ENOX1: variants seen among roughly 807,000 people sequenced by gnomAD.
ENOX1 encodes ecto-NOX disulfide-thiol exchanger 1.
A neutral mutation model predicts 82.5 loss-of-function variants in ENOX1; 42 were observed. The observed-to-expected ratio is 0.51, with a 90% CI of 0.40 to 0.66. The LOEUF (loss-of-function observed/expected upper bound fraction) is 0.66. Among genes scored for constraint, ENOX1 ranks in the 30% least tolerant of loss-of-function variants. ENOX1 has a pLI of 0.00. For synonymous variants in ENOX1, 271 were observed against 282.2 expected (o/e 0.96, Z 0.40); for missense variants, 608 against 811.6 (o/e 0.75, Z 3.05).
chr13:43,590,360 G>A (rs1467526692), intron 2 of ENOX1, among the ~76,000 whole-genome samples: 2 of 152,048 alleles, frequency 1.3e-5, no homozygotes, highest in Non-Finnish European at 2.9e-5. Context: ...ATGAATGATC[G>A]AAAATGAGAA....
At chr13:43,488,240 C>T (rs2153660121) in intron 2 of ENOX1, among the ~76,000 whole-genome samples, 1 of 152,272 alleles carries the variant, frequency 6.6e-6, no homozygotes, top group South Asian at 2.1e-4. Flanking sequence ...GCCATGAGGA[C>T]TCCTCCCTCA....
intron 9 of ENOX1, among the ~76,000 whole-genome samples, chr13:43,332,234 G>GGGATGGTT (rs2048447203): frequency 6.6e-6 from 1 of 152,124 alleles, no homozygotes; most frequent in Non-Finnish European, 1.5e-5. Context: ...CAGGGGGTTG[G>GGGATGGTT]GGATGGTTTG....
At chr13:43,557,397 C>T (rs943169001) in intron 2 of ENOX1, among the ~76,000 whole-genome samples, 1 of 152,104 alleles carries the variant, frequency 6.6e-6, no homozygotes, top group Non-Finnish European at 1.5e-5. Context: ...AGGAAAGGGG[C>T]ACTGGGAGGA....
chr13:43,651,103 C>T (rs2084147192), intron 2 of ENOX1, among the ~76,000 whole-genome samples: 1 of 152,190 alleles, frequency 6.6e-6, no homozygotes, highest in South Asian at 2.1e-4. Context: ...GCTCCACCCA[C>T]AGCACATGGG....
chr13:43,256,604 AG>A (rs1378480967), intron 14 of ENOX1, among the ~76,000 whole-genome samples: 1 of 152,230 alleles, frequency 6.6e-6, no homozygotes, highest in Admixed American at 6.5e-5. Context: ...TCAAAACCAC[AG>A]TGAGATGTCA....
chr13:43,768,917 C>T (rs1951436227), intron 1 of ENOX1, among the ~76,000 whole-genome samples: 1 of 152,214 alleles, frequency 6.6e-6, no homozygotes, highest in Admixed American at 6.5e-5. Context: ...TTAGGTGAAT[C>T]TCTCCAATGC....
chr13:43,442,413 T>A (rs1284052917), intron 3 of ENOX1, among the ~76,000 whole-genome samples: 1 of 152,124 alleles, frequency 6.6e-6, no homozygotes, highest in Admixed American at 6.5e-5. Context: ...AGCGAATGCA[T>A]TATTAAAAGA....
chr13:43,467,310 AT>A (rs2057771829), intron 3 of ENOX1, among the ~76,000 whole-genome samples: 1 of 152,164 alleles, frequency 6.6e-6, no homozygotes, highest in Non-Finnish European at 1.5e-5. Flanking sequence ...CTACATTACT[AT>A]ATACTATATT....
chr13:43,240,020 CTCTT>C (rs879926208), intron 14 of ENOX1, among the ~76,000 whole-genome samples: 91 of 152,260 alleles, frequency 6.0e-4, no homozygotes, highest in Admixed American at 5.2e-3. Flanking sequence ...TGTACCCTCT[CTCTT>C]TGTTTTTATT....
intron 2 of ENOX1, among the ~76,000 whole-genome samples, chr13:43,637,370 T>C (rs953180926): frequency 2.6e-5 from 4 of 152,208 alleles, no homozygotes; most frequent in Non-Finnish European, 5.9e-5. Flanking sequence ...GTTAATCTCA[T>C]GTCTTGTTTC....
intron 1 of ENOX1, among the ~76,000 whole-genome samples, chr13:43,737,831 A>G (rs2089706912): frequency 1.3e-5 from 2 of 152,216 alleles, no homozygotes; most frequent in African/African-American, 4.8e-5. Context: ...TGCCAATTAC[A>G]TAGAACACAC....
At chr13:43,588,028 C>T (rs2081073675) in intron 2 of ENOX1, among the ~76,000 whole-genome samples, 1 of 151,866 alleles carries the variant, frequency 6.6e-6, no homozygotes, top group Admixed American at 6.6e-5. Context: ...TCTAACAAAG[C>T]AATGGAAAGG....
intron 8 of ENOX1, among the ~76,000 whole-genome samples, chr13:43,348,400 C>T (rs1245759152): frequency 6.6e-6 from 1 of 152,114 alleles, no homozygotes; most frequent in African/African-American, 2.4e-5. Context: ...TGAGTTTTTC[C>T]CTTTGTATTT....
intron 5 of ENOX1, among the ~76,000 whole-genome samples, chr13:43,404,253 T>C (rs1451662753): frequency 6.6e-6 from 1 of 152,216 alleles, no homozygotes; most frequent in Non-Finnish European, 1.5e-5. Flanking sequence ...TTGGAAGGCA[T>C]GGTCTGGCCC....
At chr13:43,371,150 G>T (rs2051216773) in intron 5 of ENOX1, among the ~76,000 whole-genome samples, 1 of 152,212 alleles carries the variant, frequency 6.6e-6, no homozygotes, top group African/African-American at 2.4e-5. Flanking sequence ...TAGGGAGGGA[G>T]AAAAGGACTG....
chr13:43,609,850 A>G, intron 2 of ENOX1: 8 of 879,170 alleles, frequency 9.1e-6, no homozygotes, highest in African/African-American at 1.8e-5. Context: ...TTACAAAAGT[A>G]AGAAAAACAT....
At chr13:43,391,089 C>T (rs1450750793) in intron 5 of ENOX1, among the ~76,000 whole-genome samples, 1 of 152,050 alleles carries the variant, frequency 6.6e-6, no homozygotes, top group African/African-American at 2.4e-5. Flanking sequence ...CCAGAACGGC[C>T]CTTGTGAAGG....
At chr13:43,504,218 G>A (rs1460896968) in intron 2 of ENOX1, among the ~76,000 whole-genome samples, 1 of 151,810 alleles carries the variant, frequency 6.6e-6, no homozygotes, top group African/African-American at 2.4e-5. Context: ...TTTATAAGCT[G>A]TTGGTGGGAA....
At chr13:43,492,038 G>A (rs547853228) in intron 2 of ENOX1, among the ~76,000 whole-genome samples, 9 of 152,154 alleles carry the variant, frequency 5.9e-5, no homozygotes, top group African/African-American at 1.9e-4. Context: ...ATGGGGTGTC[G>A]CCTATGACAA....
Sources: gnomAD v4.1 joint callset for allele counts (sites outside exome capture counted in the v4.1 genomes callset) on GRCh38, gnomAD v4.1.1 for gene constraint, MANE v1.5 for transcripts, NCBI Gene and HGNC (gene_info 2026-07-23, HGNC 2026-07-21) for gene names.